The following GFPT2 variants were observed in gnomAD, a reference collection of about 807,000 sequenced individuals.
GFPT2 encodes glutamine--fructose-6-phosphate aminotransferase [isomerizing] 2.
Under a neutral mutation model 85.6 loss-of-function variants are expected in GFPT2, and 62 were observed. The ratio of observed to expected loss-of-function variants is 0.72; its 90% CI spans 0.59 to 0.90. GFPT2 has a LOEUF of 0.90. Ranked by LOEUF, GFPT2 falls within the 40% of genes least tolerant of loss-of-function variation. The pLI is 0.00. For missense variants in GFPT2, 788 were observed against 893.4 expected (o/e 0.88, Z 1.50); for synonymous variants, 368 against 344.5 (o/e 1.07, Z -0.75).
At chr5:180,345,229 T>C (rs1764584053) in intron 1 of GFPT2, among the ~76,000 whole-genome samples, 1 of 152,284 alleles carries the variant, frequency 6.6e-6, no homozygotes, top group Non-Finnish European at 1.5e-5. Context: ...CTTGGCCTTC[T>C]GCCTGGGGAA....
Position 180,316,664 on chromosome 5 carries a change from G to A in GFPT2, c.1152+100C>T, listed in dbSNP as rs1336179637. On this transcript the variant is annotated intron_variant, in intron 12 of 18. Coordinates refer to ENST00000253778, the MANE Select transcript of GFPT2 (RefSeq NM_005110.4). ...CTAGCTCATGGGAATGGGTACAAGG[G>A]CTTAGCCAAATTCAGAAGGCCACAT... 4 of 971,712 alleles carry A rather than the reference G, an allele frequency of 4.1e-6. No homozygotes were observed. In the African/African-American group the frequency reaches 4.9e-5, roughly 12 times the overall value. The allele number at this position is 971,712 out of a possible 1,614,324, so 60.2% of individuals were successfully genotyped here.
chr5:180,339,250 T>A (rs1466873328), intron 1 of GFPT2, among the ~76,000 whole-genome samples: 1 of 151,814 alleles, frequency 6.6e-6, no homozygotes, highest in East Asian at 1.9e-4. Context: ...TGTGGTGGTG[T>A]GTGCCTCTAA....
At chr5:180,319,055 C>G in intron 9 of GFPT2, 99 bp from the exon 10 acceptor site, 1 of 1,105,682 alleles carries the variant, frequency 9.0e-7, no homozygotes, top group Admixed American at 2.0e-5. Flanking sequence ...ACATCGTTGG[C>G]ATTTTAGGAG....
Position 180,338,612 on chromosome 5 carries a change from GA to G in GFPT2, c.8-13del, listed in dbSNP as rs747961933. 30 of 1,459,528 alleles carry G rather than the reference GA, an allele frequency of 2.1e-5. No homozygotes were observed. Among genetic ancestry groups the G allele is most frequent in the South Asian group, 2.0e-4 (17 of 86,290 alleles). 90.4% of individuals were successfully genotyped at this position (1,459,528 alleles called of 1,614,324 possible). On this transcript the variant is annotated splice_polypyrimidine_tract_variant and intron_variant, in intron 1 of 18. Transcript: ENST00000253778. ...GTAGGCAAAGATTCCTGTTCAAAGA[GA>G]AAAAAATGGTGCATTCATAAAATAC...
rs746234427 is a variant in GFPT2 at position 180,328,411 on chromosome 5, C to T, written c.535-73G>A. 9.1e-5 allele frequency: 110 copies of T among 1,202,858 alleles called. No individual in the cohort carries two copies. Among genetic ancestry groups the T allele is most frequent in the Non-Finnish European group, 1.3e-4 (102 of 807,272 alleles). 74.5% of individuals were successfully genotyped at this position (1,202,858 alleles called of 1,614,324 possible). A position where few individuals can be genotyped will look rare whatever the true frequency, so the allele number is the denominator to read the frequency against. ...CTGCAGCCTGGCCACAGCCCAGGTG[C>T]GTCTCCCTGGGCCCCTCCTGATGGC... On this transcript the variant is annotated intron_variant, in intron 6 of 18. Transcript: ENST00000253778. The surrounding 1 kb of genome is among the most constrained non-coding windows in gnomAD (Gnocchi z 5.4).
chr5:180,302,366 AG>A, intron 18 of GFPT2, 56 bp downstream of exon 18: 1 of 1,319,842 alleles, frequency 7.6e-7, no homozygotes, highest in Non-Finnish European at 1.1e-6. Context: ...AAGAACAGAA[AG>A]GAACTCTGGG....
chr5:180,325,647 T>C (rs1220817165), intron 7 of GFPT2, among the ~76,000 whole-genome samples: 1 of 152,262 alleles, frequency 6.6e-6, no homozygotes, highest in Non-Finnish European at 1.5e-5. Flanking sequence ...CCCGGCTCTC[T>C]GAGCACCTCA....
intron 1 of GFPT2, among the ~76,000 whole-genome samples, chr5:180,342,411 T>TA (rs1347755830): frequency 2.7e-5 from 4 of 147,000 alleles, no homozygotes; most frequent in Non-Finnish European, 3.0e-5. Flanking sequence ...TGAAATGTTT[T>TA]TTTTTTTTTT....
At chr5:180,352,965 ACT>A in intron 1 of GFPT2, 3 of 407,304 alleles carry the variant, frequency 7.4e-6, no homozygotes, top group Non-Finnish European at 1.3e-5. Context: ...GGTCCCCCTC[ACT>A]GTGTCCGAGA....
intron 1 of GFPT2, among the ~76,000 whole-genome samples, chr5:180,348,674 GAATCCATGAGATA>G (rs1764655678): frequency 6.6e-6 from 1 of 152,084 alleles, no homozygotes; most frequent in Non-Finnish European, 1.5e-5. Flanking sequence ...CTCACCATTG[GAATCCATGAGATA>G]ATAGACTCTG....
At chr5:180,305,467 C>T (rs984845926) in intron 16 of GFPT2, among the ~76,000 whole-genome samples, 3 of 152,188 alleles carry the variant, frequency 2.0e-5, no homozygotes, top group Admixed American at 6.5e-5. Context: ...TATTCAGTTA[C>T]CACAAATCCA....
intron 4 of GFPT2, 198 bp from the exon 5 acceptor site, chr5:180,331,751 T>A (rs541110314): frequency 1.3e-5 from 8 of 608,370 alleles, no homozygotes; most frequent in African/African-American, 9.3e-5. Flanking sequence ...ACCAGGGATG[T>A]CTAGGGCAGC....
rs199818683 is a variant in GFPT2 at position 180,353,292 on chromosome 5, CCTCCGTGGGCTCCGTGGG to C, written c.-93_-76del. 9.5e-5 allele frequency: 90 copies of C among 949,748 alleles called. No homozygotes were observed. Among genetic ancestry groups the C allele is most frequent in the East Asian group, 5.9e-4 (18 of 30,420 alleles). 58.8% of individuals were successfully genotyped at this position (949,748 alleles called of 1,614,324 possible). A position where few individuals can be genotyped will look rare whatever the true frequency, so the allele number is the denominator to read the frequency against. ...GGACGCTGGGGCTCCTCCGTGGGCTCCTCCGTGGGCTCCGTGGGCTCCGTGGGCTCCGCGGGCTCCAGC... is the reference window on the plus strand; with the variant it reads ...GGACGCTGGGGCTCCTCCGTGGGCTCCTCCGTGGGCTCCGCGGGCTCCAGC... On this transcript the variant is annotated 5_prime_UTR_variant, in exon 1 of 19. Transcript: ENST00000253778.
intron 15 of GFPT2, among the ~76,000 whole-genome samples, chr5:180,308,184 A>C (rs1453930543): frequency 6.6e-6 from 1 of 151,848 alleles, no homozygotes; most frequent in East Asian, 1.9e-4. Context: ...TGAACCTGGG[A>C]GGCGGAGCTT....
At chr5:180,336,762 G>A (rs1349524781) in intron 2 of GFPT2, among the ~76,000 whole-genome samples, 185 bp from the exon 3 acceptor site, 2 of 152,236 alleles carry the variant, frequency 1.3e-5, no homozygotes, top group African/African-American at 2.4e-5. Context: ...TTAACAGCAA[G>A]TGAGGAAGCC....
intron 3 of GFPT2, 99 bp from the exon 4 acceptor site, chr5:180,336,052 C>CA: frequency 5.3e-6 from 6 of 1,137,170 alleles, no homozygotes; most frequent in Non-Finnish European, 7.4e-6. Flanking sequence ...ACGTCACCCA[C>CA]ACCGATGGCA....
intron 1 of GFPT2, among the ~76,000 whole-genome samples, chr5:180,348,157 T>C (rs543382673): frequency 3.5e-4 from 53 of 152,332 alleles, no homozygotes; most frequent in African/African-American, 1.2e-3. Flanking sequence ...TCCATGAGCC[T>C]CCTAGAGATT....
chr5:180,348,630 C>T (rs952954399), intron 1 of GFPT2, among the ~76,000 whole-genome samples: 1 of 152,232 alleles, frequency 6.6e-6, no homozygotes, highest in African/African-American at 2.4e-5. Flanking sequence ...CAGACTGCCC[C>T]AGGCCTCTTT....
intron 1 of GFPT2, among the ~76,000 whole-genome samples, chr5:180,339,048 G>T (rs934143191): frequency 6.6e-6 from 1 of 152,094 alleles, no homozygotes; most frequent in Admixed American, 6.5e-5. Context: ...TTGCTTCCAC[G>T]GTCCCCTTCT....
Sources: allele counts gnomAD v4.1 joint callset (sites outside exome capture counted in the v4.1 genomes callset), GRCh38; gene constraint gnomAD v4.1.1; non-coding constraint Gnocchi (gnomAD v3.1); transcripts MANE v1.5; gene names NCBI Gene and HGNC (gene_info 2026-07-23, HGNC 2026-07-21).